Variants in TVP23A observed in about 807,000 individuals in gnomAD.
TVP23A encodes Golgi apparatus membrane protein TVP23 homolog A.
Under a neutral mutation model 31.7 loss-of-function variants are expected in TVP23A, and 21 were observed. The ratio of observed to expected loss-of-function variants is 0.66; its 90% CI spans 0.47 to 0.95. The LOEUF is 0.95. Ranked by LOEUF, TVP23A falls within the 40% of genes least tolerant of loss-of-function variation. TVP23A has a pLI of 0.00. For missense variants in TVP23A, 279 were observed against 255.6 expected (o/e 1.09, Z -0.62); for synonymous variants, 104 against 96.0 (o/e 1.08, Z -0.49).
intron 2 of TVP23A, among the ~76,000 whole-genome samples, chr16:10,815,355 T>C (rs1386300961): frequency 4.6e-5 from 7 of 152,166 alleles, no homozygotes; most frequent in Non-Finnish European, 1.5e-5. Context: ...GAGGTTGTAG[T>C]GAGCCGAGAT....
At chr16:10,797,882 A>G (rs1008673276) in intron 2 of TVP23A, among the ~76,000 whole-genome samples, 4 of 151,892 alleles carry the variant, frequency 2.6e-5, no homozygotes, top group Non-Finnish European at 4.4e-5. Context: ...TGAGGGTGAT[A>G]GGGACATGGG....
chr16:10,807,322 C>T (rs2033992763), intron 2 of TVP23A, among the ~76,000 whole-genome samples: 2 of 152,294 alleles, frequency 1.3e-5, no homozygotes, highest in South Asian at 4.1e-4. Flanking sequence ...GTCACCTGTG[C>T]CCTCTCCTTC....
intron 2 of TVP23A, among the ~76,000 whole-genome samples, chr16:10,804,623 G>C (rs1289589612): frequency 6.6e-6 from 1 of 152,180 alleles, no homozygotes; most frequent in Non-Finnish European, 1.5e-5. Flanking sequence ...GTACATGTCT[G>C]CAGTCCCAGC....
intron 2 of TVP23A, among the ~76,000 whole-genome samples, chr16:10,802,977 T>C (rs978360224): frequency 1.5e-4 from 23 of 152,098 alleles, no homozygotes; most frequent in Admixed American, 7.9e-4. Context: ...TTAAGAAACA[T>C]TGAGTTTAAT....
At chr16:10,812,198 C>T (rs1236203484) in intron 2 of TVP23A, among the ~76,000 whole-genome samples, 1 of 152,148 alleles carries the variant, frequency 6.6e-6, no homozygotes, top group Non-Finnish European at 1.5e-5. Context: ...ATCTACACCA[C>T]AACGAAATAC....
At chr16:10,816,895 TAAAA>T (rs199851819) in intron 2 of TVP23A, among the ~76,000 whole-genome samples, 1 of 131,296 alleles carries the variant, frequency 7.6e-6, no homozygotes, top group Admixed American at 7.8e-5. Context: ...ATAAATAAAA[TAAAA>T]AAAAAGAAAG....
rs1215299834 is a variant in TVP23A, at chr16:10,818,784, G to C, written c.-291C>G. 1 of 462,602 alleles carries C rather than the reference G, an allele frequency of 2.2e-6. No individual in the cohort carries two copies. Among genetic ancestry groups the C allele is most frequent in the African/African-American group, 2.1e-5 (1 of 48,240 alleles). The allele number at this position is 462,602 out of a possible 1,614,324, so 28.7% of individuals were successfully genotyped here. A position where few individuals can be genotyped will look rare whatever the true frequency, so the allele number is the denominator to read the frequency against. On this transcript the variant is annotated 5_prime_UTR_variant, in exon 1 of 8. Coordinates refer to ENST00000299866, the MANE Select transcript of TVP23A (RefSeq NM_001079512.4). This position sits in a 1 kb window ranked among gnomAD's most constrained non-coding sequence, Gnocchi z 4.7. The stretch of plus-strand genomic sequence containing the variant: ...GCCTGGGGAACTGCGGACAGAGATA[G>C]TGGGAGGAATGGGAGTCGGGGGCGG...
chr16:10,782,090 G>A (rs569511004), intron 2 of TVP23A, among the ~76,000 whole-genome samples: 31 of 151,908 alleles, frequency 2.0e-4, no homozygotes, highest in Non-Finnish European at 3.2e-4. Context: ...TCGAACTCCT[G>A]ACCTCAGGTG....
intron 2 of TVP23A, among the ~76,000 whole-genome samples, chr16:10,792,200 A>T (rs149557447): frequency 3.2e-4 from 48 of 152,230 alleles, no homozygotes; most frequent in Middle Eastern, 6.8e-3. Context: ...TTGCCTATTA[A>T]ACCTCTGCTT....
At chr16:10,789,066 G>A (rs2032940530) in intron 2 of TVP23A, among the ~76,000 whole-genome samples, 1 of 152,164 alleles carries the variant, frequency 6.6e-6, no homozygotes, top group African/African-American at 2.4e-5. Flanking sequence ...CTGACCTTGT[G>A]ATCCACCTGC....
Position 10,768,720 on chromosome 16 carries a change from GTGTTTGT to G in TVP23A, c.*375_*381del. On this transcript the variant is annotated 3_prime_UTR_variant, in exon 8 of 8. Coordinates refer to ENST00000299866, the MANE Select transcript of TVP23A (RefSeq NM_001079512.4). The surrounding 1 kb of genome is among the most constrained non-coding windows in gnomAD (Gnocchi z 4.3). Reference sequence around the variant, plus strand: ...CCCCAGAGTTAGGGCAGAGGTGTCAGTGTTTGTTAAAGCTGTGGTCTCTGAGTTTGTG... The same window carrying G: ...CCCCAGAGTTAGGGCAGAGGTGTCAGTAAAGCTGTGGTCTCTGAGTTTGTG... The G allele has an allele frequency of 3.7e-6, 1 of 269,462 alleles. No homozygotes were observed. The highest frequency in any genetic ancestry group is 6.9e-6 in the Non-Finnish European group (1 of 145,006). The allele number at this position is 269,462 out of a possible 1,614,324, so 16.7% of individuals were successfully genotyped here.
chr16:10,815,736 G>C (rs1443756226), intron 2 of TVP23A, among the ~76,000 whole-genome samples: 1 of 152,172 alleles, frequency 6.6e-6, no homozygotes, highest in South Asian at 2.1e-4. Flanking sequence ...CCTGAACACT[G>C]CATTTCCCCA....
At chr16:10,784,746 G>C (rs2032642590) in intron 2 of TVP23A, among the ~76,000 whole-genome samples, 1 of 152,190 alleles carries the variant, frequency 6.6e-6, no homozygotes, top group Non-Finnish European at 1.5e-5. Flanking sequence ...GAGAAGGGGA[G>C]TATATAAAAA....
downstream of TVP23A, chr16:10,757,798 TAAAA>T: frequency 8.2e-7 from 1 of 1,222,244 alleles, no homozygotes; most frequent in South Asian, 1.5e-5. The surrounding 1 kb of genome is among the most constrained non-coding windows in gnomAD (Gnocchi z 4.1). Flanking sequence ...CCCCATCCTT[TAAAA>T]AAAAAAGAGG....
In TVP23A at chr16:10,818,787, G is replaced by C. The variant is rs2034563443; in HGVS notation, c.-294C>G. 1 of 456,568 alleles carries C rather than the reference G, an allele frequency of 2.2e-6. No individual in the cohort carries two copies. The highest frequency in any genetic ancestry group is 3.8e-5 in the East Asian group (1 of 26,414). 28.3% of individuals were successfully genotyped at this position (456,568 alleles called of 1,614,324 possible). Reference sequence around the variant, plus strand: ...TGGGGAACTGCGGACAGAGATAGTGGGAGGAATGGGAGTCGGGGGCGGGGG... The same window carrying C: ...TGGGGAACTGCGGACAGAGATAGTGCGAGGAATGGGAGTCGGGGGCGGGGG... On this transcript the variant is annotated 5_prime_UTR_variant, in exon 1 of 8. Transcript: ENST00000299866. This position sits in a 1 kb window ranked among gnomAD's most constrained non-coding sequence, Gnocchi z 4.7.
intron 2 of TVP23A, among the ~76,000 whole-genome samples, chr16:10,800,970 A>T (rs1437609129): frequency 6.6e-6 from 1 of 152,210 alleles, no homozygotes; most frequent in African/African-American, 2.4e-5. Context: ...CAGCCTGGGC[A>T]ACAGAGCAAG....
At chr16:10,775,250 T>G (rs1212456323) in intron 2 of TVP23A, 154 bp from the exon 3 acceptor site, 18 of 1,444,856 alleles carry the variant, frequency 1.2e-5, no homozygotes, top group Non-Finnish European at 1.6e-5. Flanking sequence ...GCTGTAGCCC[T>G]GGGGACACAT....
intron 2 of TVP23A, among the ~76,000 whole-genome samples, chr16:10,806,470 G>A (rs2033950233): frequency 6.6e-6 from 1 of 152,256 alleles, no homozygotes. Flanking sequence ...TGGGTCACAG[G>A]TCAGCAGAAA....
intron 2 of TVP23A, among the ~76,000 whole-genome samples, chr16:10,814,082 G>T (rs1200877813): frequency 1.4e-5 from 2 of 145,122 alleles, no homozygotes; most frequent in African/African-American, 5.0e-5. Flanking sequence ...CAGGATTTTA[G>T]AGCCATCTCT....
Sources: allele counts gnomAD v4.1 joint callset (sites outside exome capture counted in the v4.1 genomes callset), GRCh38; gene constraint gnomAD v4.1.1; non-coding constraint Gnocchi (gnomAD v3.1); transcripts MANE v1.5; gene names NCBI Gene and HGNC (gene_info 2026-07-23, HGNC 2026-07-21).